CLIP1: variants seen among roughly 807,000 people sequenced by gnomAD.
The protein encoded by CLIP1 is CAP-Gly domain-containing linker protein 1.
CLIP1 carries 66 observed loss-of-function variants against 161.6 expected under a neutral mutation model. The observed-to-expected ratio is 0.41, with a 90% confidence interval of 0.33 to 0.50. The LOEUF is 0.50. Ranked by LOEUF, CLIP1 falls within the 20% of genes least tolerant of loss-of-function variation. The pLI is 0.27. For synonymous variants in CLIP1, 598 were observed against 626.2 expected (o/e 0.96, Z 0.67); for missense variants, 1,376 against 1,702.0 (o/e 0.81, Z 3.37).
chr12:122,354,104 TGAAA>T (rs1230896031), intron 7 of CLIP1, among the ~76,000 whole-genome samples: 7 of 151,794 alleles, frequency 4.6e-5, no homozygotes, highest in African/African-American at 1.7e-4. Context: ...TCATTGAAAA[TGAAA>T]AGGCTGCTGG....
intron 20 of CLIP1, among the ~76,000 whole-genome samples, chr12:122,297,430 C>G (rs1203138745): frequency 6.6e-6 from 1 of 152,138 alleles, no homozygotes; most frequent in African/African-American, 2.4e-5. Context: ...TCAATAACCA[C>G]GCACTGTGTG....
At chr12:122,378,434 C>T (rs1395637569) in intron 2 of CLIP1, among the ~76,000 whole-genome samples, 1 of 152,068 alleles carries the variant, frequency 6.6e-6, no homozygotes, top group African/African-American at 2.4e-5. Flanking sequence ...ACAAGGAAGC[C>T]AAGAATAACT....
chr12:122,367,106 G>A (rs1027163326), intron 3 of CLIP1, among the ~76,000 whole-genome samples: 8 of 152,094 alleles, frequency 5.3e-5, no homozygotes, highest in Admixed American at 3.3e-4. Context: ...GGGATGAGTC[G>A]AAGTCACTGT....
intron 1 of CLIP1, among the ~76,000 whole-genome samples, chr12:122,421,335 T>C (rs1260408983): frequency 6.6e-6 from 1 of 152,032 alleles, no homozygotes; most frequent in African/African-American, 2.4e-5. Flanking sequence ...TCATTAAATC[T>C]AAAAGTCAAA....
At position 122,319,349 on chromosome 12, in the gene CLIP1, C is replaced by G. The variant is rs113860909; in HGVS notation, c.3250-1G>C. On this transcript the variant is annotated splice_acceptor_variant, in intron 17 of 25. Coordinates refer to ENST00000620786, the MANE Select transcript of CLIP1 (RefSeq NM_001247997.2). LOFTEE classifies it high-confidence loss of function. ...TGGCATCTTCCGCTGTTTGAGCAGC[C>G]TAAATACAAGGAAACACTGTGAGAA... 2 of 1,609,874 alleles carry G rather than the reference C, an allele frequency of 1.2e-6. No homozygotes were observed. Among genetic ancestry groups the G allele is most frequent in the South Asian group, 2.2e-5 (2 of 90,990 alleles).
At chr12:122,332,611 A>G (rs1952028497) in intron 15 of CLIP1, among the ~76,000 whole-genome samples, 1 of 151,942 alleles carries the variant, frequency 6.6e-6, no homozygotes, top group Non-Finnish European at 1.5e-5. Flanking sequence ...AGTGGAGACA[A>G]GGTTTCGCCA....
At chr12:122,379,628 T>C (rs914770280) in intron 2 of CLIP1, among the ~76,000 whole-genome samples, 2 of 151,068 alleles carry the variant, frequency 1.3e-5, no homozygotes, top group African/African-American at 2.4e-5. Flanking sequence ...TCTCCACATA[T>C]AAAATTTTAC....
At chr12:122,278,489 C>A in intron 23 of CLIP1, 1 of 532,040 alleles carries the variant, frequency 1.9e-6, no homozygotes, top group Non-Finnish European at 3.3e-6. Flanking sequence ...GGCAATCCAC[C>A]CTTCTTCACC....
At chr12:122,391,936 T>A (rs1209461042) in intron 1 of CLIP1, among the ~76,000 whole-genome samples, 1 of 152,170 alleles carries the variant, frequency 6.6e-6, no homozygotes, top group Non-Finnish European at 1.5e-5. Context: ...AGATATCACT[T>A]CTTATCACTA....
chr12:122,412,057 TTTC>T (rs1956554938), intron 1 of CLIP1, among the ~76,000 whole-genome samples: 1 of 139,290 alleles, frequency 7.2e-6, no homozygotes, highest in Admixed American at 8.0e-5. Flanking sequence ...AACCAGTTAT[TTTC>T]TTTTTTTTTT....
intron 5 of CLIP1, among the ~76,000 whole-genome samples, chr12:122,358,289 A>T (rs1197170853): frequency 1.3e-5 from 2 of 151,824 alleles, no homozygotes; most frequent in Non-Finnish European, 2.9e-5. Flanking sequence ...GTACCCAGGG[A>T]CACAAACACT....
chr12:122,328,991 TG>T (rs1345445142), intron 15 of CLIP1, among the ~76,000 whole-genome samples: 8 of 152,190 alleles, frequency 5.3e-5, no homozygotes, highest in Admixed American at 5.2e-4. Flanking sequence ...TACTATTTTA[TG>T]TCAATAAATT....
intron 1 of CLIP1, among the ~76,000 whole-genome samples, chr12:122,386,642 T>C (rs753756230): frequency 4.9e-4 from 74 of 152,304 alleles, no homozygotes; most frequent in Middle Eastern, 3.4e-3. Context: ...TTATTTTTTA[T>C]AAACTACAAT....
intron 1 of CLIP1, among the ~76,000 whole-genome samples, chr12:122,420,751 C>A (rs551523341): frequency 4.6e-5 from 7 of 152,056 alleles, no homozygotes; most frequent in African/African-American, 1.7e-4. Flanking sequence ...GCCTGGGCAA[C>A]GTGGTGAAAC....
At chr12:122,379,491 G>A (rs1954903390) in intron 2 of CLIP1, among the ~76,000 whole-genome samples, 1 of 151,312 alleles carries the variant, frequency 6.6e-6, no homozygotes, top group African/African-American at 2.4e-5. Flanking sequence ...GAGCGCGCCT[G>A]TAATCCCAGC....
intron 20 of CLIP1, among the ~76,000 whole-genome samples, chr12:122,306,971 CCTAT>C (rs1011299317): frequency 1.3e-5 from 2 of 149,800 alleles, no homozygotes; most frequent in South Asian, 2.1e-4. Context: ...TCCTCCACTG[CCTAT>C]CTGTGTATCC....
chr12:122,378,105 T>C, intron 2 of CLIP1, 145 bp from the exon 3 acceptor site: 1 of 713,444 alleles, frequency 1.4e-6, no homozygotes, highest in East Asian at 2.7e-5. Context: ...TTTTGTTCTT[T>C]TGAGACAGTC....
At chr12:122,408,875 G>A (rs1308981396) in intron 1 of CLIP1, among the ~76,000 whole-genome samples, 4 of 151,740 alleles carry the variant, frequency 2.6e-5, no homozygotes, top group Non-Finnish European at 5.9e-5. Flanking sequence ...AGGGTGGCAC[G>A]ATCTTGGCTC....
intron 20 of CLIP1, among the ~76,000 whole-genome samples, chr12:122,307,461 G>A (rs547101363): frequency 1.8e-4 from 27 of 152,284 alleles, no homozygotes; most frequent in African/African-American, 6.0e-4. Flanking sequence ...AACCTAGGTC[G>A]TGGGTCAGTA....
Sources: gnomAD v4.1 joint callset for allele counts (sites outside exome capture counted in the v4.1 genomes callset) on GRCh38, gnomAD v4.1.1 for gene constraint, MANE v1.5 for transcripts, NCBI Gene and HGNC (gene_info 2026-07-23, HGNC 2026-07-21) for gene names.